The following AOPEP variants were observed in gnomAD, a reference collection of about 807,000 sequenced individuals.
AOPEP encodes aminopeptidase O.
In AOPEP, 77 loss-of-function variants were observed where a neutral mutation model predicts 98.1. The observed-to-expected ratio is 0.78, with a 90% CI of 0.65 to 0.95. The LOEUF (loss-of-function observed/expected upper bound fraction) is 0.95, where lower values mean the gene tolerates loss of function less well. Among genes scored for constraint, AOPEP ranks in the 40% least tolerant of loss-of-function variants. The pLI, the probability that AOPEP is intolerant of heterozygous loss-of-function variation, is 0.00. For synonymous variants in AOPEP, 346 were observed against 365.3 expected (o/e 0.95, Z 0.60); for missense variants, 1,024 against 1,024.7 (o/e 1.00, Z 0.01).
At chr9:95,069,698 A>G (rs1376648281) in intron 14 of AOPEP, among the ~76,000 whole-genome samples, 1 of 152,230 alleles carries the variant, frequency 6.6e-6, no homozygotes, top group Non-Finnish European at 1.5e-5. Context: ...TGACGTTTGT[A>G]TTTGACATCA....
In AOPEP at chr9:94,848,598, G is replaced by A. The variant is rs185675298; in HGVS notation, c.1364+47596G>A. 5.9e-5 allele frequency among the ~76,000 whole-genome samples: 9 copies of A among 151,830 alleles called. No homozygotes were observed. The East Asian group carries it at 1.8e-3, about 30-fold the overall frequency. ...GATCACGCCACTGCACCCCAGCCTG[G>A]GTGACAGAGGGAGATTCCCACTCAA... On this transcript the variant is annotated intron_variant, in intron 5 of 16. Coordinates refer to ENST00000375315, the MANE Select transcript of AOPEP (RefSeq NM_001193329.3).
intron 14 of AOPEP, 107 bp downstream of exon 14, chr9:95,060,917 A>G (rs529888245): frequency 1.4e-3 from 1,027 of 758,994 alleles, no homozygotes; most frequent in Non-Finnish European, 2.2e-3. Context: ...TCTATTAGCA[A>G]AATCTCATGT....
At chr9:94,836,630 T>A (rs925784777) in intron 5 of AOPEP, among the ~76,000 whole-genome samples, 1 of 152,202 alleles carries the variant, frequency 6.6e-6, no homozygotes, top group Non-Finnish European at 1.5e-5. Flanking sequence ...TTGCAAATAT[T>A]TTCTCCCAGC....
intron 2 of AOPEP, among the ~76,000 whole-genome samples, chr9:94,771,724 G>A (rs1481613421): frequency 2.0e-5 from 3 of 150,560 alleles, no homozygotes; most frequent in Non-Finnish European, 4.4e-5. Flanking sequence ...AGTCTCCTGT[G>A]GTCCCAGCTC....
chr9:95,062,635 C>T (rs2067426842), intron 14 of AOPEP, among the ~76,000 whole-genome samples: 1 of 152,304 alleles, frequency 6.6e-6, no homozygotes, highest in African/African-American at 2.4e-5. Flanking sequence ...TTACTATTAA[C>T]CATTCTTTCT....
Position 94,906,455 on chromosome 9 carries a change from AAAT to A in AOPEP, c.1365-17504_1365-17502del, listed in dbSNP as rs5741511. On this transcript the variant is annotated intron_variant, in intron 5 of 16. Transcript: ENST00000375315. ...GTGTGACAGAGTGAGACCCTGTCTG[AAAT>A]AATAATAATAATAATAATAATAATA... 6.0e-3 allele frequency among the ~76,000 whole-genome samples: 691 copies of A among 114,342 alleles called. 8 individuals are homozygous for A. The highest frequency in any genetic ancestry group is 0.019 in the African/African-American group (638 of 33,036). The allele number at this position is 114,342 out of a possible 152,430, so 75.0% of individuals were successfully genotyped here.
At chr9:95,000,594 G>A (rs2061498845) in intron 11 of AOPEP, among the ~76,000 whole-genome samples, 1 of 152,246 alleles carries the variant, frequency 6.6e-6, no homozygotes, top group East Asian at 1.9e-4. Context: ...TGTAATCCCA[G>A]CTACTGGGGA....
chr9:94,756,185 G>T (rs1037974483), intron 1 of AOPEP, among the ~76,000 whole-genome samples: 3 of 151,518 alleles, frequency 2.0e-5, no homozygotes. Flanking sequence ...GCGTGAACCA[G>T]GGAGGCGGAG....
At chr9:94,851,211 G>A (rs572108481) in intron 5 of AOPEP, among the ~76,000 whole-genome samples, 7 of 152,334 alleles carry the variant, frequency 4.6e-5, no homozygotes, top group East Asian at 1.9e-4. Flanking sequence ...CATTTGGAGC[G>A]TCCTTGCAGG....
intron 13 of AOPEP, among the ~76,000 whole-genome samples, chr9:95,051,152 T>C (rs1270793793): frequency 4.9e-5 from 7 of 142,586 alleles, no homozygotes; most frequent in African/African-American, 1.8e-4. Context: ...TGCAATGGCG[T>C]GATCTCGACT....
intron 10 of AOPEP, among the ~76,000 whole-genome samples, chr9:94,969,564 C>T (rs964992633): frequency 8.5e-5 from 13 of 152,086 alleles, no homozygotes; most frequent in South Asian, 6.2e-4. Context: ...CCCGCCACCA[C>T]GCCCGGCTAA....
intron 5 of AOPEP, among the ~76,000 whole-genome samples, chr9:94,919,402 CG>C (rs2053268305): frequency 1.3e-5 from 2 of 152,090 alleles, no homozygotes; most frequent in African/African-American, 4.8e-5. Context: ...ATGAGGAAAG[CG>C]GAAGATGCTG....
intron 5 of AOPEP, among the ~76,000 whole-genome samples, chr9:94,890,575 T>A (rs944955698): frequency 7.9e-5 from 12 of 152,358 alleles, no homozygotes; most frequent in Admixed American, 1.3e-4. Context: ...CTGCTCTTTT[T>A]AAAAAATTGT....
the AOPEP span, among the ~76,000 whole-genome samples, chr9:95,117,148 A>G: frequency 6.6e-6 from 1 of 152,166 alleles, no homozygotes; most frequent in African/African-American, 2.4e-5. Context: ...GCAGACTCTC[A>G]TATCAAAATC....
chr9:95,094,282 C>A, the AOPEP span, among the ~76,000 whole-genome samples: 1 of 152,190 alleles, frequency 6.6e-6, no homozygotes, highest in Non-Finnish European at 1.5e-5. Flanking sequence ...GGTGTCTGCT[C>A]CTTGGAGAAA....
At chr9:95,004,395 C>A (rs2061773688) in intron 11 of AOPEP, 1 of 409,054 alleles carries the variant, frequency 2.4e-6, no homozygotes, top group Non-Finnish European at 5.0e-6. Context: ...CGGGTCCACA[C>A]TCGCGGGAGC....
chr9:94,840,721 T>A (rs1185273617), intron 5 of AOPEP, among the ~76,000 whole-genome samples: 1 of 152,234 alleles, frequency 6.6e-6, no homozygotes, highest in Non-Finnish European at 1.5e-5. Context: ...GGGAGAGTTT[T>A]GGAAGTTTAT....
chr9:94,933,683 A>G (rs915190347), intron 7 of AOPEP: 23 of 984,614 alleles, frequency 2.3e-5, no homozygotes, highest in Non-Finnish European at 2.7e-5. Flanking sequence ...AGTGTTGTGA[A>G]TTTGTATGAT....
At chr9:94,900,213 C>T (rs769906167) in intron 5 of AOPEP, among the ~76,000 whole-genome samples, 11 of 152,146 alleles carry the variant, frequency 7.2e-5, no homozygotes, top group Non-Finnish European at 1.3e-4. Context: ...TGAAATGAGA[C>T]TGGGGGTAAA....
Sources: allele counts gnomAD v4.1 joint callset (sites outside exome capture counted in the v4.1 genomes callset), GRCh38; gene constraint gnomAD v4.1.1; transcripts MANE v1.5; gene names NCBI Gene and HGNC (gene_info 2026-07-23, HGNC 2026-07-21).